IL1RAPL2: variants seen among roughly 807,000 people sequenced by gnomAD.
The protein encoded by IL1RAPL2 is interleukin 1 receptor accessory protein like 2, also known as X-linked interleukin-1 receptor accessory protein-like 2.
Under a neutral mutation model 44.1 loss-of-function variants are expected in IL1RAPL2, and 3 were observed. That is an observed-to-expected ratio of 0.07 (90% confidence interval 0.03 to 0.18). The LOEUF is 0.18. IL1RAPL2 is among the 10% of genes least tolerant of loss of function. IL1RAPL2 has a pLI of 1.00. For missense variants in IL1RAPL2, 391 were observed against 496.4 expected (o/e 0.79, Z 2.02); for synonymous variants, 181 against 178.8 (o/e 1.01, Z -0.10).
At chrX:105,279,320 A>G (rs1216723968) in intron 5 of IL1RAPL2, among the ~76,000 whole-genome samples, 1 of 111,479 alleles carries the variant, frequency 9.0e-6, no homozygotes, top group East Asian at 2.8e-4. Context: ...TTTTTTCTCA[A>G]TGTTCTACAG....
intron 4 of IL1RAPL2, among the ~76,000 whole-genome samples, chrX:105,266,883 A>G (rs1912341540): frequency 8.9e-6 from 1 of 111,866 alleles, no homozygotes; most frequent in African/African-American, 3.2e-5. Context: ...TTTTATAATA[A>G]GGAGTAATTA....
In IL1RAPL2 at chrX:104,889,947, C is replaced by T. The variant is rs191999481; in HGVS notation, c.82+230952C>T. On this transcript the variant is annotated intron_variant, in intron 2 of 10. Transcript: ENST00000372582. Reference sequence around the variant, plus strand: ...TGTATCTCCTAATGCTATCCCTCCCCCCTACCCCCAACCCAAGACAGGTCC... The same window carrying T: ...TGTATCTCCTAATGCTATCCCTCCCTCCTACCCCCAACCCAAGACAGGTCC... Among the ~76,000 whole-genome samples the T allele has an allele frequency of 1.6e-3, 178 of 110,790 alleles. 1 individual carries two copies. Among genetic ancestry groups the T allele is most frequent in the African/African-American group, 5.7e-3 (173 of 30,427 alleles).
chrX:105,069,912 C>A (rs1007605202), intron 2 of IL1RAPL2, among the ~76,000 whole-genome samples: 6 of 112,090 alleles, frequency 5.4e-5, no homozygotes, highest in African/African-American at 1.3e-4. Context: ...AGCCCCAGCT[C>A]CTTGGTCCCT....
chrX:104,789,923 G>T (rs955891793), intron 2 of IL1RAPL2, among the ~76,000 whole-genome samples: 3 of 111,898 alleles, frequency 2.7e-5, no homozygotes, highest in Admixed American at 9.5e-5. Context: ...ATTGCCTTCT[G>T]TTCCAGCCCA....
At chrX:104,904,228 TA>T (rs1923906095) in intron 2 of IL1RAPL2, among the ~76,000 whole-genome samples, 1 of 31,380 alleles carries the variant, frequency 3.2e-5, no homozygotes, top group African/African-American at 4.3e-4. Flanking sequence ...TCTTCTTTTA[TA>T]TATATATATA....
chrX:105,185,557 T>C (rs2033576677), intron 2 of IL1RAPL2, among the ~76,000 whole-genome samples: 1 of 111,092 alleles, frequency 9.0e-6, no homozygotes, highest in African/African-American at 3.3e-5. Context: ...CTTTAAGGAG[T>C]AGAAACTGGC....
intron 1 of IL1RAPL2, among the ~76,000 whole-genome samples, chrX:104,586,935 A>T (rs1247144095): frequency 9.0e-6 from 1 of 111,560 alleles, no homozygotes; most frequent in Admixed American, 9.6e-5. Flanking sequence ...TCATTGGCTC[A>T]ATCCTTCTTA....
At chrX:105,522,951 A>G (rs1657894780) in intron 6 of IL1RAPL2, among the ~76,000 whole-genome samples, 2 of 111,143 alleles carry the variant, frequency 1.8e-5, no homozygotes, top group African/African-American at 6.5e-5. Flanking sequence ...TTAAAACTCA[A>G]TCACTTGCTT....
intron 2 of IL1RAPL2, among the ~76,000 whole-genome samples, chrX:104,809,629 C>T (rs1182469020): frequency 5.5e-5 from 6 of 109,152 alleles, no homozygotes; most frequent in Non-Finnish European, 9.6e-5. Context: ...TGGATATTAG[C>T]CCTTTGTCAG....
chrX:104,895,082 C>T lies in IL1RAPL2; in HGVS notation c.82+236087C>T, dbSNP rs764725559. Among the ~76,000 whole-genome samples the T allele has an allele frequency of 6.2e-5, 7 of 112,413 alleles. No individual in the cohort carries two copies. In the South Asian group the frequency reaches 1.5e-3, roughly 24 times the overall value. ...ACTGTGTTTTCCTGGGTATCAGCAG[C>T]GGAGGCTGCAGAACAGCGAATATTG... On this transcript the variant is annotated intron_variant, in intron 2 of 10. Transcript: ENST00000372582.
intron 6 of IL1RAPL2, among the ~76,000 whole-genome samples, chrX:105,665,857 A>G (rs1235495250): frequency 1.9e-5 from 2 of 103,985 alleles, no homozygotes; most frequent in African/African-American, 7.2e-5. Flanking sequence ...CTGTCTCCTG[A>G]GTTCATGCCA....
intron 6 of IL1RAPL2, among the ~76,000 whole-genome samples, chrX:105,578,309 G>C (rs775555976): frequency 9.1e-6 from 1 of 110,439 alleles, no homozygotes; most frequent in South Asian, 3.9e-4. Context: ...CACTTACTGT[G>C]TTCAAAGTTA....
chrX:105,711,808 C>T (rs1369793729), intron 6 of IL1RAPL2, among the ~76,000 whole-genome samples: 3 of 111,672 alleles, frequency 2.7e-5, no homozygotes, highest in African/African-American at 9.8e-5. Context: ...ATAGACATTC[C>T]CATACCAAAA....
chrX:105,453,735 A>G (rs1312233665), intron 5 of IL1RAPL2, among the ~76,000 whole-genome samples: 1 of 112,005 alleles, frequency 8.9e-6, no homozygotes, highest in East Asian at 2.8e-4. Flanking sequence ...ATTTTCTTTC[A>G]TGCTGCTGTT....
At chrX:105,684,734 G>T (rs1228688538) in intron 6 of IL1RAPL2, among the ~76,000 whole-genome samples, 1 of 112,205 alleles carries the variant, frequency 8.9e-6, no homozygotes, top group East Asian at 2.8e-4. Context: ...TCCTCAAGTG[G>T]GTCCCTGACC....
intron 1 of IL1RAPL2, among the ~76,000 whole-genome samples, chrX:104,621,076 A>G (rs1284744710): frequency 9.5e-6 from 1 of 105,356 alleles, no homozygotes; most frequent in Non-Finnish European, 1.9e-5. Context: ...AATTCCTGAC[A>G]TGTATTATAT....
At position 104,610,978 on chromosome X, in the gene IL1RAPL2, C is replaced by T. The variant is rs1929142053; in HGVS notation, c.-20+43927C>T. Among the ~76,000 whole-genome samples the T allele has an allele frequency of 2.7e-5, 3 of 111,469 alleles. No individual in the cohort carries two copies. The Admixed American group carries it at 2.8e-4, about 11-fold the overall frequency. ...CCAGACCCTGTTTGCCTCAGTATCA[C>T]CAATGGAGGCTGTAGAACAGCAAAT... is the stretch of plus-strand genomic sequence containing the variant. On this transcript the variant is annotated intron_variant, in intron 1 of 10. Transcript: ENST00000372582.
intron 2 of IL1RAPL2, among the ~76,000 whole-genome samples, chrX:104,688,716 A>G (rs1363633734): frequency 8.9e-6 from 1 of 112,003 alleles, no homozygotes; most frequent in Non-Finnish European, 1.9e-5. Context: ...CTAGAATTAT[A>G]TTCAGCACTG....
At chrX:104,679,292 C>T (rs2147538446) in intron 2 of IL1RAPL2, among the ~76,000 whole-genome samples, 1 of 111,728 alleles carries the variant, frequency 9.0e-6, no homozygotes, top group Admixed American at 9.5e-5. Context: ...TGGTGAATGT[C>T]ATGACCAGGA....
Sources: allele counts gnomAD v4.1 joint callset (sites outside exome capture counted in the v4.1 genomes callset), GRCh38; gene constraint gnomAD v4.1.1; transcripts MANE v1.5; gene names NCBI Gene and HGNC (gene_info 2026-07-23, HGNC 2026-07-21).